Variants in GALNT10 observed in about 807,000 individuals in gnomAD.
GALNT10 encodes polypeptide N-acetylgalactosaminyltransferase 10.
In GALNT10, 41 loss-of-function variants were observed where a neutral mutation model predicts 75.0. That is an observed-to-expected ratio of 0.55 (90% CI 0.43 to 0.71). GALNT10 has a LOEUF of 0.71. GALNT10 is among the 30% of genes least tolerant of loss of function. The probability of loss-of-function intolerance (pLI) is 0.00; values close to 1 mark genes in which losing one functional copy is unlikely to be tolerated. For synonymous variants in GALNT10, 302 were observed against 313.0 expected (o/e 0.96, Z 0.37); for missense variants, 727 against 818.5 (o/e 0.89, Z 1.36).
At chr5:154,222,029 C>CAT (rs1467151018) in intron 1 of GALNT10, among the ~76,000 whole-genome samples, 3 of 151,940 alleles carry the variant, frequency 2.0e-5, no homozygotes, top group Non-Finnish European at 2.9e-5. Flanking sequence ...TCAATTTTAA[C>CAT]ATATATATAA....
At chr5:154,205,056 TCCGTG>T (rs1201863770) in intron 1 of GALNT10, among the ~76,000 whole-genome samples, 8 of 152,194 alleles carry the variant, frequency 5.3e-5, no homozygotes, top group Non-Finnish European at 1.0e-4. Context: ...TCACCACTCC[TCCGTG>T]TTTCATTTGG....
rs1378175984 is a variant in GALNT10 at position 154,416,198 on chromosome 5, G to C, written c.1653+266G>C. Among the ~76,000 whole-genome samples, 2 of 152,164 alleles carry C rather than the reference G, an allele frequency of 1.3e-5. No individual in the cohort carries two copies. Among genetic ancestry groups the C allele is most frequent in the Non-Finnish European group, 2.9e-5 (2 of 68,038 alleles). ...CTCATGCCTGTAATCCCAGCACTTT[G>C]GGAGGCTGAGGTGGGTGGATCACCT... On this transcript the variant is annotated intron_variant, in intron 11 of 11. Coordinates refer to ENST00000297107, the MANE Select transcript of GALNT10 (RefSeq NM_198321.4). The surrounding 1 kb of genome is among the most constrained non-coding windows in gnomAD (Gnocchi z 4.5).
intron 3 of GALNT10, among the ~76,000 whole-genome samples, chr5:154,304,672 CT>C (rs1321988793): frequency 1.3e-5 from 2 of 152,040 alleles, no homozygotes; most frequent in African/African-American, 2.4e-5. Flanking sequence ...TGCTATTTGT[CT>C]TATTGTTTAA....
At chr5:154,401,321 C>T (rs570372043) in intron 7 of GALNT10, among the ~76,000 whole-genome samples, 22 of 152,302 alleles carry the variant, frequency 1.4e-4, no homozygotes, top group South Asian at 1.2e-3. Flanking sequence ...ATCAACTGCC[C>T]GGGAGACGTT....
At chr5:154,322,944 T>C (rs1754696920) in intron 3 of GALNT10, among the ~76,000 whole-genome samples, 1 of 152,246 alleles carries the variant, frequency 6.6e-6, no homozygotes, top group Admixed American at 6.5e-5. Flanking sequence ...TATTTATTGA[T>C]CACTGTGTGC....
chr5:154,368,580 TC>T (rs1170883061), intron 4 of GALNT10, among the ~76,000 whole-genome samples: 2 of 152,124 alleles, frequency 1.3e-5, no homozygotes, highest in African/African-American at 4.8e-5. Flanking sequence ...AAAACAAAGG[TC>T]CTCTAGCTGA....
intron 3 of GALNT10, among the ~76,000 whole-genome samples, chr5:154,324,039 A>G (rs1044629644): frequency 6.6e-6 from 1 of 152,192 alleles, no homozygotes; most frequent in Non-Finnish European, 1.5e-5. Flanking sequence ...TGTCAGCCTC[A>G]TGGTTGAGAG....
At chr5:154,310,367 A>G (rs1365497695) in intron 3 of GALNT10, among the ~76,000 whole-genome samples, 1 of 151,864 alleles carries the variant, frequency 6.6e-6, no homozygotes, top group Non-Finnish European at 1.5e-5. Context: ...GGGCCTGTAG[A>G]TGGAATGATT....
intron 1 of GALNT10, among the ~76,000 whole-genome samples, chr5:154,284,391 T>C (rs1181725392): frequency 6.6e-6 from 1 of 152,226 alleles, no homozygotes; most frequent in Non-Finnish European, 1.5e-5. Flanking sequence ...ATTACTATTA[T>C]TAGAGCAAGT....
chr5:154,379,247 C>T (rs1755699910), intron 5 of GALNT10, among the ~76,000 whole-genome samples: 2 of 152,228 alleles, frequency 1.3e-5, no homozygotes, highest in Non-Finnish European at 2.9e-5. Context: ...AAGAGTATCA[C>T]CTGTCACAGT....
At chr5:154,384,944 G>A (rs560387085) in intron 6 of GALNT10, among the ~76,000 whole-genome samples, 34 of 152,178 alleles carry the variant, frequency 2.2e-4, no homozygotes, top group Non-Finnish European at 4.1e-4. Context: ...AATTAGCTCC[G>A]TACAGCACCC....
intron 1 of GALNT10, among the ~76,000 whole-genome samples, chr5:154,272,263 A>G (rs772338792): frequency 6.6e-6 from 1 of 152,156 alleles, no homozygotes; most frequent in Admixed American, 6.5e-5. Context: ...AGCCATGCCA[A>G]TCTGATTAAT....
chr5:154,296,703 T>G (rs1754279894), intron 2 of GALNT10, among the ~76,000 whole-genome samples: 1 of 152,184 alleles, frequency 6.6e-6, no homozygotes, highest in African/African-American at 2.4e-5. Flanking sequence ...GGGCTGGCCT[T>G]GGAACTCCAC....
intron 1 of GALNT10, among the ~76,000 whole-genome samples, chr5:154,212,543 T>C (rs944241116): frequency 6.6e-6 from 1 of 152,220 alleles, no homozygotes; most frequent in African/African-American, 2.4e-5. Context: ...TCGTCTGATT[T>C]CTCTGTTTGT....
At chr5:154,192,653 C>T (rs1015471627) in intron 1 of GALNT10, among the ~76,000 whole-genome samples, 3 of 152,182 alleles carry the variant, frequency 2.0e-5, no homozygotes, top group African/African-American at 7.2e-5. Flanking sequence ...AGGAATACAA[C>T]GGTCCCTTCT....
In GALNT10 at chr5:154,409,367, C is replaced by G; in HGVS notation, c.1165-174C>G. On this transcript the variant is annotated intron_variant, in intron 8 of 11. Coordinates refer to ENST00000297107, the MANE Select transcript of GALNT10 (RefSeq NM_198321.4). This position sits in a 1 kb window ranked among gnomAD's most constrained non-coding sequence, Gnocchi z 4.5. ...ACTATAAGCTGTGAAGCCCTTAAAA[C>G]ATGCATAATGATAAATAGAAACACA... The G allele has an allele frequency of 1.5e-6, 1 of 673,324 alleles. No homozygotes were observed. The highest frequency in any genetic ancestry group is 1.8e-5 in the African/African-American group (1 of 55,990). 41.7% of individuals were successfully genotyped at this position (673,324 alleles called of 1,614,324 possible). A position where few individuals can be genotyped will look rare whatever the true frequency, so the allele number is the denominator to read the frequency against.
chr5:154,390,292 A>AC (rs11393509), intron 7 of GALNT10, among the ~76,000 whole-genome samples: 91,218 of 152,058 alleles, frequency 0.6, 28,236 homozygotes, highest in African/African-American at 0.75. Context: ...CTGAGTCACT[A>AC]ATTCCATCAA....
At chr5:154,223,558 G>A (rs1027409361) in intron 1 of GALNT10, among the ~76,000 whole-genome samples, 1 of 152,228 alleles carries the variant, frequency 6.6e-6, no homozygotes, top group Non-Finnish European at 1.5e-5. Flanking sequence ...GAAGGGGTTA[G>A]CATTTGAGCT....
At chr5:154,371,816 G>A (rs920724986) in intron 4 of GALNT10, among the ~76,000 whole-genome samples, 24 of 152,252 alleles carry the variant, frequency 1.6e-4, no homozygotes, top group South Asian at 1.2e-3. Context: ...GTTACTGCCT[G>A]CCCAACACTG....
Sources: allele counts gnomAD v4.1 joint callset (sites outside exome capture counted in the v4.1 genomes callset), GRCh38; gene constraint gnomAD v4.1.1; non-coding constraint Gnocchi (gnomAD v3.1); transcripts MANE v1.5; gene names NCBI Gene and HGNC (gene_info 2026-07-23, HGNC 2026-07-21).